GRID2: variants seen among roughly 807,000 people sequenced by gnomAD.
GRID2 encodes the protein glutamate receptor ionotropic, delta-2.
A neutral mutation model predicts 114.8 loss-of-function variants in GRID2; 33 were observed. That is an observed-to-expected ratio of 0.29 (90% CI 0.22 to 0.38). GRID2 has a LOEUF of 0.38. Ranked by LOEUF, GRID2 falls within the 10% of genes least tolerant of loss-of-function variation. The pLI, the probability that GRID2 is intolerant of heterozygous loss-of-function variation, is 1.00. For synonymous variants in GRID2, 505 were observed against 449.9 expected (o/e 1.12, Z -1.55); for missense variants, 1,184 against 1,257.7 (o/e 0.94, Z 0.89).
intron 2 of GRID2, among the ~76,000 whole-genome samples, chr4:92,902,113 C>T (rs1241532098): frequency 2.0e-5 from 3 of 152,104 alleles, no homozygotes; most frequent in African/African-American, 4.8e-5. Context: ...ACCACAATTA[C>T]ATTTGCACTA....
At chr4:93,142,572 G>C (rs1410414250) in intron 4 of GRID2, among the ~76,000 whole-genome samples, 3 of 152,128 alleles carry the variant, frequency 2.0e-5, no homozygotes, top group Non-Finnish European at 4.4e-5. Context: ...TAGAGGGTTA[G>C]AATTTCACCA....
chr4:92,319,418 A>T (rs1471744623), intron 1 of GRID2, among the ~76,000 whole-genome samples: 1 of 152,188 alleles, frequency 6.6e-6, no homozygotes, highest in Non-Finnish European at 1.5e-5. Context: ...TTTAATCTGT[A>T]CAAATTGGAA....
At chr4:93,364,806 A>G (rs1019114001) in intron 8 of GRID2, among the ~76,000 whole-genome samples, 2 of 151,854 alleles carry the variant, frequency 1.3e-5, no homozygotes, top group African/African-American at 2.4e-5. Context: ...AAGGCCTTAG[A>G]TTGCATTCCT....
At chr4:93,168,824 A>G (rs1018280100) in intron 4 of GRID2, among the ~76,000 whole-genome samples, 3 of 152,140 alleles carry the variant, frequency 2.0e-5, no homozygotes, top group Non-Finnish European at 4.4e-5. Flanking sequence ...GCATAAAAAT[A>G]CTTTCACTAT....
intron 1 of GRID2, among the ~76,000 whole-genome samples, chr4:92,314,692 G>A (rs1725876725): frequency 1.3e-5 from 2 of 152,072 alleles, no homozygotes; most frequent in Non-Finnish European, 2.9e-5. Context: ...GGCTATGTGT[G>A]TAAGGTATAT....
downstream of GRID2, among the ~76,000 whole-genome samples, chr4:93,776,086 A>G (rs148123535): frequency 8.6e-4 from 131 of 152,332 alleles, no homozygotes; most frequent in African/African-American, 3.1e-3. Flanking sequence ...TCATGCAGAG[A>G]AGAGATTATG....
At chr4:92,853,160 A>T in intron 2 of GRID2, among the ~76,000 whole-genome samples, 1 of 151,940 alleles carries the variant, frequency 6.6e-6, no homozygotes, top group East Asian at 1.9e-4. Context: ...GTTTCAGCTC[A>T]CTAACCTTCA....
At chr4:93,113,037 G>A (rs1209096934) in intron 4 of GRID2, among the ~76,000 whole-genome samples, 1 of 152,118 alleles carries the variant, frequency 6.6e-6, no homozygotes, top group Non-Finnish European at 1.5e-5. Flanking sequence ...AGGTAGTGAT[G>A]GCACAACTTT....
intron 2 of GRID2, among the ~76,000 whole-genome samples, chr4:92,729,001 A>T (rs545562546): frequency 6.6e-6 from 1 of 151,930 alleles, no homozygotes; most frequent in South Asian, 2.1e-4. Context: ...GATAATATAC[A>T]CCTCAACTAG....
chr4:92,397,088 A>T (rs1391329695), intron 1 of GRID2, among the ~76,000 whole-genome samples: 1 of 152,072 alleles, frequency 6.6e-6, no homozygotes, highest in African/African-American at 2.4e-5. Context: ...AGGTCCATTT[A>T]CAAAAAGTTG....
chr4:93,321,586 A>G (rs146164540), intron 8 of GRID2, among the ~76,000 whole-genome samples: 1 of 152,068 alleles, frequency 6.6e-6, no homozygotes, highest in Non-Finnish European at 1.5e-5. Flanking sequence ...ATTCAGCCCT[A>G]TTTTTGAAAA....
In GRID2 at chr4:93,137,966, G is replaced by GTTTTTTTTTTTTTT. The variant is rs753814961; in HGVS notation, c.735+27024_735+27037dup. Among the ~76,000 whole-genome samples the GTTTTTTTTTTTTTT allele has an allele frequency of 7.7e-5, 6 of 78,380 alleles. 1 individual carries two copies. Among genetic ancestry groups the GTTTTTTTTTTTTTT allele is most frequent in the East Asian group, 4.2e-4 (1 of 2,372 alleles). The allele number at this position is 78,380 out of a possible 152,430, so 51.4% of individuals were successfully genotyped here. A position where few individuals can be genotyped will look rare whatever the true frequency, so the allele number is the denominator to read the frequency against. ...AAAGTCTAGCAAGAATTTTTTCTTCGTTTTTTTTTTTTTTTTTTTTTTTTG... is the reference window on the plus strand; with the variant it reads ...AAAGTCTAGCAAGAATTTTTTCTTCGTTTTTTTTTTTTTTTTTTTTTTTTTTTTTTTTTTTTTTG... On this transcript the variant is annotated intron_variant, in intron 4 of 15. Transcript: ENST00000282020.
chr4:92,854,590 A>ATACTTAGCCTTAAATTAGAATC lies in GRID2; in HGVS notation c.245-230401_245-230380dup, dbSNP rs577495576. Among the ~76,000 whole-genome samples, 992 of 151,822 alleles carry ATACTTAGCCTTAAATTAGAATC rather than the reference A, an allele frequency of 6.5e-3. 4 individuals carry two copies. Among genetic ancestry groups the ATACTTAGCCTTAAATTAGAATC allele is most frequent in the Non-Finnish European group, 0.011 (739 of 67,844 alleles). On this transcript the variant is annotated intron_variant, in intron 2 of 15. Transcript: ENST00000282020. Reference sequence around the variant, plus strand: ...GTGTGTGTGTGTCTGTGTTTTGAGGATACTTAGCCTTAAATTAGAATCTAC... The same window carrying ATACTTAGCCTTAAATTAGAATC: ...GTGTGTGTGTGTCTGTGTTTTGAGGATACTTAGCCTTAAATTAGAATCTACTTAGCCTTAAATTAGAATCTAC...
At chr4:92,959,877 G>C (rs1011564403) in intron 2 of GRID2, among the ~76,000 whole-genome samples, 2 of 151,976 alleles carry the variant, frequency 1.3e-5, no homozygotes, top group Non-Finnish European at 2.9e-5. Context: ...CTAGGGTAGA[G>C]ATAGCATTAG....
chr4:92,353,244 G>C (rs927162638), intron 1 of GRID2, among the ~76,000 whole-genome samples: 3 of 150,164 alleles, frequency 2.0e-5, no homozygotes, highest in African/African-American at 4.9e-5. Flanking sequence ...TCTCTTTATT[G>C]CTTTATCAAT....
intron 2 of GRID2, among the ~76,000 whole-genome samples, chr4:92,926,206 T>C (rs970763710): frequency 6.6e-6 from 1 of 152,018 alleles, no homozygotes; most frequent in African/African-American, 2.4e-5. Flanking sequence ...ATGGTCCCAC[T>C]AAACAAAATA....
At chr4:93,233,681 G>C (rs1005585854) in intron 7 of GRID2, among the ~76,000 whole-genome samples, 6 of 152,062 alleles carry the variant, frequency 3.9e-5, no homozygotes, top group African/African-American at 1.4e-4. Context: ...GATAAAATCA[G>C]ATTATCCCAT....
chr4:92,977,702 A>G lies in GRID2; in HGVS notation c.245-107293A>G, dbSNP rs142987114. Among the ~76,000 whole-genome samples the G allele has an allele frequency of 4.0e-3, 608 of 152,282 alleles. 20 individuals are homozygous for G. The East Asian group carries it at 0.062, about 15-fold the overall frequency. On this transcript the variant is annotated intron_variant, in intron 2 of 15. Transcript: ENST00000282020. ...TAAGACTTGGACTATGGGGTTGACA[A>G]TAGAGTTGGAGAGAAGTCAAGATAT...
chr4:92,957,334 G>T (rs908386066), intron 2 of GRID2, among the ~76,000 whole-genome samples: 7 of 151,992 alleles, frequency 4.6e-5, no homozygotes, highest in Non-Finnish European at 1.0e-4. Context: ...TTTGTAAAAG[G>T]TGTAAGGTTT....
Sources: allele counts gnomAD v4.1 joint callset (sites outside exome capture counted in the v4.1 genomes callset), GRCh38; gene constraint gnomAD v4.1.1; transcripts MANE v1.5; gene names NCBI Gene and HGNC (gene_info 2026-07-23, HGNC 2026-07-21).